The following TUBB6 variants were observed in gnomAD, a reference collection of about 807,000 sequenced individuals.
TUBB6 encodes tubulin beta-6 chain.
A neutral mutation model predicts 32.3 loss-of-function variants in TUBB6; 18 were observed. The observed-to-expected ratio is 0.56, with a 90% CI of 0.39 to 0.83. The LOEUF (loss-of-function observed/expected upper bound fraction) is 0.83, where lower values mean the gene tolerates loss of function less well. Among genes scored for constraint, TUBB6 ranks in the 40% least tolerant of loss-of-function variants. The pLI is 0.00. For synonymous variants in TUBB6, 280 were observed against 265.8 expected (o/e 1.05, Z -0.52); for missense variants, 480 against 632.0 (o/e 0.76, Z 2.58).
At chr18:12,323,382 GCTT>G (rs1907086268) in intron 3 of TUBB6, among the ~76,000 whole-genome samples, 1 of 152,154 alleles carries the variant, frequency 6.6e-6, no homozygotes, top group African/African-American at 2.4e-5. Flanking sequence ...GGAAAAAAAT[GCTT>G]CTGCTAGTGA....
intron 3 of TUBB6, among the ~76,000 whole-genome samples, chr18:12,324,011 G>A (rs1224170885): frequency 6.6e-6 from 1 of 152,178 alleles, no homozygotes; most frequent in African/African-American, 2.4e-5. Context: ...CAAACATTTT[G>A]CAACAGTAAT....
At position 12,325,686 on chromosome 18, in the gene TUBB6, G is replaced by GAT; in HGVS notation, c.898_899dup (p.Met300IlefsTer13). 2 of 1,614,116 alleles carry GAT rather than the reference G, an allele frequency of 1.2e-6. No homozygotes were observed. Among genetic ancestry groups the GAT allele is most frequent in the Non-Finnish European group, 1.7e-6 (2 of 1,180,042 alleles). ...AGCAGATGTTCGACGCCAGGAACAT[G>GAT]ATGGCCGCCTGCGATCCGCGCCATG... On this transcript the variant is annotated frameshift_variant, in exon 4 of 4. Transcript: ENST00000317702. LOFTEE classifies it high-confidence loss of function.
At position 12,325,181 on chromosome 18, in the gene TUBB6, A is replaced by C. The variant is rs1413705756; in HGVS notation, c.392A>C (p.Gln131Pro). The part of the protein sequence containing the change: ...RKECEHCDCL[Q>P]GFQLTHSLGG... Reference sequence around the variant, plus strand: ...GAGTGCGAGCACTGCGACTGCCTGCAGGGCTTCCAGCTCACGCACTCGCTG... The same window carrying C: ...GAGTGCGAGCACTGCGACTGCCTGCCGGGCTTCCAGCTCACGCACTCGCTG... Residue 131 changes from glutamine (Q) to proline (P), a missense_variant, in exon 4 of 4, where the codon CAG becomes CCG. Transcript: ENST00000317702. 7 of 1,613,920 alleles carry C rather than the reference A, an allele frequency of 4.3e-6. No individual in the cohort carries two copies. Among genetic ancestry groups the C allele is most frequent in the Non-Finnish European group, 5.9e-6 (7 of 1,179,988 alleles).
In TUBB6 at chr18:12,326,171, AG is replaced by A; in HGVS notation, c.*42del. ...CCCAACTCAGATCCTACAACACGCA[AG>A]TTCCTTCTTGAACCCTGGTGCCTCC... is the stretch of plus-strand genomic sequence containing the variant. On this transcript the variant is annotated 3_prime_UTR_variant, in exon 4 of 4. Coordinates refer to ENST00000317702, the MANE Select transcript of TUBB6 (RefSeq NM_032525.3). 6.3e-7 allele frequency: 1 copy of A among 1,578,054 alleles called. No individual in the cohort carries two copies.
At chr18:12,322,356 CTTTT>C (rs1190247505) in intron 3 of TUBB6, among the ~76,000 whole-genome samples, 3 of 139,508 alleles carry the variant, frequency 2.2e-5, no homozygotes, top group Non-Finnish European at 1.6e-5. Context: ...ATTGAAAATA[CTTTT>C]TTTTTTTTTT....
intron 3 of TUBB6, among the ~76,000 whole-genome samples, chr18:12,319,436 G>A (rs973307954): frequency 1.1e-4 from 17 of 151,736 alleles, no homozygotes; most frequent in African/African-American, 3.9e-4. Context: ...GTGAGCCACC[G>A]CGCCCGGCCC....
intron 3 of TUBB6, among the ~76,000 whole-genome samples, chr18:12,323,821 C>G (rs1907115145): frequency 6.6e-6 from 1 of 151,220 alleles, no homozygotes; most frequent in Non-Finnish European, 1.5e-5. Flanking sequence ...AAAAAAAAAG[C>G]ACCATTATGC....
At chr18:12,310,249 G>A (rs939480321) in intron 2 of TUBB6, among the ~76,000 whole-genome samples, 2 of 151,936 alleles carry the variant, frequency 1.3e-5, no homozygotes, top group Non-Finnish European at 1.5e-5. Context: ...CAGCACTTTG[G>A]GAGGCCGAGG....
chr18:12,316,287 G>C (rs529484429), intron 3 of TUBB6, among the ~76,000 whole-genome samples: 59 of 152,354 alleles, frequency 3.9e-4, no homozygotes, highest in African/African-American at 1.4e-3. Flanking sequence ...TATTTGAATT[G>C]AACATTGGGA....
intron 3 of TUBB6, among the ~76,000 whole-genome samples, chr18:12,315,504 C>T (rs528823160): frequency 3.0e-4 from 45 of 152,320 alleles, no homozygotes; most frequent in Middle Eastern, 3.4e-3. Context: ...TTCAAAGAAA[C>T]GTAGCAACTG....
At chr18:12,309,398 T>C (rs1156239987) in intron 2 of TUBB6, among the ~76,000 whole-genome samples, 10 of 99,002 alleles carry the variant, frequency 1.0e-4, no homozygotes, top group Admixed American at 2.1e-4. Context: ...AAACAAAGCT[T>C]CCCCCCCCCC....
chr18:12,312,999 CAAA>C (rs59962916), intron 3 of TUBB6, among the ~76,000 whole-genome samples: 8 of 106,572 alleles, frequency 7.5e-5, no homozygotes, highest in Non-Finnish European at 1.4e-4. Context: ...AATTCTATCT[CAAA>C]AAAAAAAAAA....
chr18:12,308,823 C>G, intron 2 of TUBB6, 28 bp downstream of exon 2: 1 of 1,439,006 alleles, frequency 6.9e-7, no homozygotes, highest in South Asian at 1.1e-5. Context: ...CGCGCCCTGC[C>G]CGGCCGGGAC....
At chr18:12,323,595 C>A (rs1907100323) in intron 3 of TUBB6, among the ~76,000 whole-genome samples, 1 of 151,962 alleles carries the variant, frequency 6.6e-6, no homozygotes, top group South Asian at 2.1e-4. Context: ...ATCACGAAGT[C>A]AGGAGATTGA....
At chr18:12,311,169 G>A in intron 3 of TUBB6, 116 bp downstream of exon 3, 1 of 902,504 alleles carries the variant, frequency 1.1e-6, no homozygotes, top group Non-Finnish European at 1.7e-6. Flanking sequence ...GAAATCAGTG[G>A]TTCCCAGCCC....
intron 3 of TUBB6, among the ~76,000 whole-genome samples, chr18:12,319,655 A>G (rs893063145): frequency 7.2e-5 from 11 of 152,182 alleles, no homozygotes; most frequent in Admixed American, 5.9e-4. Context: ...ACATTTTAAA[A>G]TTTTTCATTA....
chr18:12,322,595 C>G (rs1367406421), intron 3 of TUBB6, among the ~76,000 whole-genome samples: 3 of 152,122 alleles, frequency 2.0e-5, no homozygotes, highest in East Asian at 3.8e-4. Flanking sequence ...TAATAGCTCA[C>G]TATTTGATTT....
intron 3 of TUBB6, 108 bp from the exon 4 acceptor site, chr18:12,324,959 G>A: frequency 6.6e-7 from 1 of 1,505,824 alleles, no homozygotes; most frequent in South Asian, 1.4e-5. Flanking sequence ...CCTCCCTTTG[G>A]CTAACAGCAC....
In TUBB6 at chr18:12,325,406, C is replaced by A; in HGVS notation, c.617C>A (p.Ala206Glu). ...TDETYCIDNE[A>E]LYDICFRTLK... is the part of the protein sequence containing the mutation. ...GAGACCTACTGCATCGACAACGAGG[C>A]GCTCTATGACATCTGCTTCCGCACT... The change falls in exon 4 of 4, where the codon GCG (alanine) becomes GAG (glutamate). Residue 206 changes from alanine (A) to glutamate (E), a missense_variant. Ala to Glu is a moderately radical substitution (Grantham distance 107, BLOSUM62 -1). Transcript: ENST00000317702. 2.5e-6 allele frequency: 4 copies of A among 1,614,220 alleles called. No homozygotes were observed. Among genetic ancestry groups the A allele is most frequent in the Non-Finnish European group, 3.4e-6 (4 of 1,180,038 alleles).
Sources: allele counts gnomAD v4.1 joint callset (sites outside exome capture counted in the v4.1 genomes callset), GRCh38; gene constraint gnomAD v4.1.1; transcripts MANE v1.5; gene names NCBI Gene and HGNC (gene_info 2026-07-23, HGNC 2026-07-21).